ACACA: variants seen among roughly 807,000 people sequenced by gnomAD.
The protein encoded by ACACA is acetyl-CoA carboxylase alpha.
A neutral mutation model predicts 296.1 loss-of-function variants in ACACA; 103 were observed. That is an observed-to-expected ratio of 0.35 (90% CI 0.30 to 0.41). The LOEUF is 0.41. Ranked by LOEUF, ACACA falls within the 10% of genes least tolerant of loss-of-function variation. The probability of loss-of-function intolerance (pLI) is 1.00; values close to 1 mark genes in which losing one functional copy is unlikely to be tolerated. For missense variants in ACACA, 1,554 were observed against 2,989.7 expected (o/e 0.52, Z 11.20); for synonymous variants, 953 against 1,038.6 (o/e 0.92, Z 1.58).
intron 1 of ACACA, among the ~76,000 whole-genome samples, chr17:37,363,904 C>T (rs769390440): frequency 2.5e-4 from 38 of 152,176 alleles, no homozygotes; most frequent in Non-Finnish European, 4.9e-4. Context: ...GGGTGGATCA[C>T]CTGAGATCAG....
rs745794412 is a variant in ACACA at position 37,216,125 on chromosome 17, AACACAC to A, written c.3683+5593_3683+5598del. On this transcript the variant is annotated intron_variant, in intron 29 of 55. Transcript: ENST00000616317. ...TTAATGCTAAGAAGGTAAAAAAGGA[AACACAC>A]ACACACACACACACACACACACACA... 5.3e-4 allele frequency among the ~76,000 whole-genome samples: 66 copies of A among 124,570 alleles called. 1 individual carries two copies. In the Middle Eastern group the frequency reaches 0.016, roughly 31 times the overall value. 81.7% of individuals were successfully genotyped at this position (124,570 alleles called of 152,430 possible).
intron 3 of ACACA, among the ~76,000 whole-genome samples, chr17:37,287,888 AG>A (rs1364545312): frequency 6.6e-6 from 1 of 152,228 alleles, no homozygotes; most frequent in Non-Finnish European, 1.5e-5. Flanking sequence ...TACCCTTCTT[AG>A]AGACTGACAT....
chr17:37,105,852 G>A (rs1311064332), intron 52 of ACACA, among the ~76,000 whole-genome samples: 3 of 134,656 alleles, frequency 2.2e-5, no homozygotes, highest in African/African-American at 3.1e-5. Context: ...CAACAAGAGC[G>A]AAACTCTGTC....
chr17:37,146,676 G>C, intron 45 of ACACA, among the ~76,000 whole-genome samples: 1 of 133,544 alleles, frequency 7.5e-6, no homozygotes, highest in East Asian at 2.7e-4. Context: ...GGAAGGGGGG[G>C]GCAGAGGAGG....
intron 3 of ACACA, among the ~76,000 whole-genome samples, chr17:37,311,571 TAA>T (rs1195791492): frequency 2.0e-5 from 3 of 152,044 alleles, no homozygotes; most frequent in Non-Finnish European, 4.4e-5. Flanking sequence ...AGCTATAAAT[TAA>T]AAGTGTCTAG....
At chr17:37,117,786 A>G (rs1055837195) in intron 50 of ACACA, among the ~76,000 whole-genome samples, 4 of 133,666 alleles carry the variant, frequency 3.0e-5, no homozygotes, top group Admixed American at 7.7e-5. Context: ...GCCGACTAGT[A>G]GAGTTTTTTT....
At chr17:37,298,857 C>T (rs1243496697) in intron 3 of ACACA, among the ~76,000 whole-genome samples, 4 of 152,316 alleles carry the variant, frequency 2.6e-5, no homozygotes, top group Admixed American at 2.6e-4. Context: ...AGGCACCTTT[C>T]CTAGCCCCAG....
intron 27 of ACACA, 53 bp from the exon 28 acceptor site, chr17:37,223,654 A>C: frequency 1.2e-5 from 16 of 1,296,162 alleles, no homozygotes; most frequent in Non-Finnish European, 1.7e-5. Flanking sequence ...GAACAATTTC[A>C]ATGGACACTA....
chr17:37,309,255 G>A (rs947436328), intron 3 of ACACA, among the ~76,000 whole-genome samples: 2 of 151,924 alleles, frequency 1.3e-5, no homozygotes, highest in Non-Finnish European at 2.9e-5. Context: ...CAAATTCCTG[G>A]GCTCAAGCAA....
intron 1 of ACACA, among the ~76,000 whole-genome samples, chr17:37,380,707 C>T (rs1373484309): frequency 6.6e-6 from 1 of 152,026 alleles, no homozygotes; most frequent in East Asian, 1.9e-4. Flanking sequence ...AAGTGATTCT[C>T]CTGCCTCAGC....
At chr17:37,162,602 A>C (rs1048296993) in intron 41 of ACACA, 1 of 272,504 alleles carries the variant, frequency 3.7e-6, no homozygotes, top group Non-Finnish European at 7.0e-6. Flanking sequence ...GAAAGCAAGC[A>C]TGAAGAGAGT....
intron 1 of ACACA, chr17:37,376,064 G>A (rs756689419): frequency 6.3e-7 from 1 of 1,594,996 alleles, no homozygotes. Flanking sequence ...GCAGTGGTCT[G>A]TCTGCAATGA....
intron 24 of ACACA, among the ~76,000 whole-genome samples, chr17:37,239,953 C>T (rs1300804650): frequency 1.3e-5 from 2 of 152,188 alleles, no homozygotes; most frequent in Non-Finnish European, 2.9e-5. Flanking sequence ...AAATTTTAGC[C>T]AAGGTTATTT....
chr17:37,381,659 G>T (rs1400680720), intron 1 of ACACA, among the ~76,000 whole-genome samples: 2 of 120,642 alleles, frequency 1.7e-5, no homozygotes, highest in African/African-American at 6.6e-5. Context: ...ACAGAGTCTC[G>T]CTCCGTTGCC....
At chr17:37,198,447 G>A (rs1306632000) in intron 35 of ACACA, among the ~76,000 whole-genome samples, 1 of 152,140 alleles carries the variant, frequency 6.6e-6, no homozygotes, top group African/African-American at 2.4e-5. Flanking sequence ...CCAGGGCCTG[G>A]CTCTGGCATG....
chr17:37,301,232 G>C (rs2083602171), intron 3 of ACACA: 1 of 375,132 alleles, frequency 2.7e-6, no homozygotes, highest in Non-Finnish European at 3.7e-6. Context: ...AGCAAAGCTA[G>C]AGATCTATAT....
At chr17:37,173,448 C>T (rs1427197929) in intron 41 of ACACA, among the ~76,000 whole-genome samples, 1 of 152,136 alleles carries the variant, frequency 6.6e-6, no homozygotes, top group African/African-American at 2.4e-5. Flanking sequence ...TACCAACTTC[C>T]TTTCCCTACC....
At chr17:37,287,694 G>GCT (rs2146659133) in intron 3 of ACACA, among the ~76,000 whole-genome samples, 1 of 150,180 alleles carries the variant, frequency 6.7e-6, no homozygotes, top group South Asian at 2.1e-4. Context: ...AGTGAGCAGA[G>GCT]ATCAAGCCAC....
chr17:37,128,305 T>A (rs1280043785), intron 47 of ACACA, among the ~76,000 whole-genome samples: 1 of 152,148 alleles, frequency 6.6e-6, no homozygotes, highest in African/African-American at 2.4e-5. Flanking sequence ...AAAATAGTTA[T>A]CTCTCTTTAT....
Sources: allele counts gnomAD v4.1 joint callset (sites outside exome capture counted in the v4.1 genomes callset), GRCh38; gene constraint gnomAD v4.1.1; transcripts MANE v1.5; gene names NCBI Gene and HGNC (gene_info 2026-07-23, HGNC 2026-07-21).